The following MVB12B variants were observed in gnomAD, a reference collection of about 807,000 sequenced individuals.
MVB12B encodes multivesicular body subunit 12B, also known as ESCRT-I complex subunit MVB12B.
In MVB12B, 16 loss-of-function variants were observed where a neutral mutation model predicts 41.6. The ratio of observed to expected loss-of-function variants is 0.38; its 90% CI spans 0.26 to 0.58. The LOEUF is 0.58. Ranked by LOEUF, MVB12B falls within the 20% of genes least tolerant of loss-of-function variation. MVB12B has a pLI of 0.62. For missense variants in MVB12B, 274 were observed against 380.2 expected, an observed-to-expected ratio of 0.72 and a Z score of 2.32; for synonymous variants, 133 against 139.7, an observed-to-expected ratio of 0.95 and a Z score of 0.34.
At chr9:126,349,372 C>T (rs570391624) in intron 2 of MVB12B, among the ~76,000 whole-genome samples, 1 of 152,218 alleles carries the variant, frequency 6.6e-6, no homozygotes, top group South Asian at 2.1e-4. Context: ...GAGGGGCAGT[C>T]CCTCCCTGCT....
At chr9:126,396,211 T>C in intron 6 of MVB12B, 2 of 986,806 alleles carry the variant, frequency 2.0e-6, no homozygotes, top group Non-Finnish European at 1.2e-6. Flanking sequence ...GTTTTAACAA[T>C]TGTCTCCGCA....
At position 126,380,728 on chromosome 9, in the gene MVB12B, T is replaced by A. The variant is rs187634256; in HGVS notation, c.205-336T>A. On this transcript the variant is annotated intron_variant, in intron 2 of 9. Coordinates refer to ENST00000361171, the MANE Select transcript of MVB12B (RefSeq NM_033446.3). ...GGACTCCTTTCTTCACCCCGCACCA[T>A]CCCCCCGAGTAAGTGGTAATAGCCG... is the stretch of plus-strand genomic sequence containing the variant. Among the ~76,000 whole-genome samples, 167 of 152,128 alleles carry A rather than the reference T, an allele frequency of 1.1e-3. 1 individual carries two copies. The highest frequency in any genetic ancestry group is 4.0e-3 in the African/African-American group (165 of 41,508).
rs1359078258 is a variant in MVB12B, at chr9:126,436,312, CT to C, written c.757+14368del. Among the ~76,000 whole-genome samples, 2 of 152,170 alleles carry C rather than the reference CT, an allele frequency of 1.3e-5. No individual in the cohort carries two copies. The highest frequency in any genetic ancestry group is 4.8e-5 in the African/African-American group (2 of 41,432). ...TGAAGAGTAAATTCTGTGCAGCCGC[CT>C]TTTAGGAACACTCTTAGGTTTTAAT... On this transcript the variant is annotated intron_variant, in intron 7 of 9. Transcript: ENST00000361171. The surrounding 1 kb of genome is among the most constrained non-coding windows in gnomAD (Gnocchi z 4.1).
At chr9:126,433,433 G>C (rs1472376096) in intron 7 of MVB12B, among the ~76,000 whole-genome samples, 1 of 149,588 alleles carries the variant, frequency 6.7e-6, no homozygotes, top group Non-Finnish European at 1.5e-5. Context: ...CTTGGCACTG[G>C]GATGTCTCTT....
intron 7 of MVB12B, among the ~76,000 whole-genome samples, chr9:126,462,258 G>A (rs1354309401): frequency 2.0e-5 from 3 of 152,226 alleles, no homozygotes; most frequent in Non-Finnish European, 2.9e-5. Flanking sequence ...GCACTGGTAC[G>A]AAGAGTTAAA....
At chr9:126,452,591 T>C (rs1479590351) in intron 7 of MVB12B, among the ~76,000 whole-genome samples, 1 of 152,218 alleles carries the variant, frequency 6.6e-6, no homozygotes, top group African/African-American at 2.4e-5. Context: ...ACAAGGCAGC[T>C]GTTCAGCCTC....
chr9:126,396,055 G>T, intron 6 of MVB12B: 1 of 1,032,268 alleles, frequency 9.7e-7, no homozygotes, highest in Non-Finnish European at 1.2e-6. Context: ...TCTCTGTCTT[G>T]GCCAGCAACT....
chr9:126,465,278 A>G (rs534253724), intron 7 of MVB12B, among the ~76,000 whole-genome samples: 1 of 152,346 alleles, frequency 6.6e-6, no homozygotes, highest in East Asian at 1.9e-4. Context: ...GATCTTAAAC[A>G]TCTTCTAGCC....
chr9:126,330,301 CTTT>C (rs1175736822), intron 1 of MVB12B, among the ~76,000 whole-genome samples: 11 of 76,750 alleles, frequency 1.4e-4, no homozygotes, highest in African/African-American at 4.8e-4. Flanking sequence ...TTCTTTCTTT[CTTT>C]ACACACACAC....
chr9:126,433,693 C>A (rs1227760262), intron 7 of MVB12B, among the ~76,000 whole-genome samples: 1 of 152,080 alleles, frequency 6.6e-6, no homozygotes, highest in Non-Finnish European at 1.5e-5. Context: ...TAAACCCAAG[C>A]CCAAGATTAC....
chr9:126,366,606 C>T (rs1294852021), intron 2 of MVB12B, among the ~76,000 whole-genome samples: 8 of 152,202 alleles, frequency 5.3e-5, no homozygotes, highest in Non-Finnish European at 1.2e-4. Context: ...TTTCTTAGAT[C>T]ATCGGATATT....
At chr9:126,374,052 A>T (rs180961255) in intron 2 of MVB12B, among the ~76,000 whole-genome samples, 1 of 152,228 alleles carries the variant, frequency 6.6e-6, no homozygotes, top group African/African-American at 2.4e-5. Context: ...TAGTGTGTGT[A>T]TGTGTACAAA....
chr9:126,484,308 T>C (rs1833589068), intron 9 of MVB12B, among the ~76,000 whole-genome samples: 1 of 152,254 alleles, frequency 6.6e-6, no homozygotes, highest in Admixed American at 6.5e-5. Flanking sequence ...AGTTCTCCTT[T>C]TTTAAAAGAA....
intron 2 of MVB12B, among the ~76,000 whole-genome samples, chr9:126,375,432 C>T (rs967929770): frequency 1.6e-5 from 2 of 127,478 alleles, no homozygotes; most frequent in African/African-American, 3.1e-5. Flanking sequence ...TGCTCTAAGG[C>T]AGTTGTCACA....
intron 6 of MVB12B, among the ~76,000 whole-genome samples, chr9:126,416,645 C>T (rs1048140488): frequency 2.0e-5 from 3 of 152,194 alleles, no homozygotes; most frequent in African/African-American, 7.2e-5. Context: ...CGATAACCAC[C>T]TCCGGAGGAC....
chr9:126,461,971 C>CCAAA (rs1833101029), intron 7 of MVB12B, among the ~76,000 whole-genome samples: 1 of 152,236 alleles, frequency 6.6e-6, no homozygotes, highest in Admixed American at 6.5e-5. Flanking sequence ...AAGCAATGAT[C>CCAAA]CAAAAGAGGC....
At position 126,395,438 on chromosome 9, in the gene MVB12B, C is replaced by G; in HGVS notation, c.540-137C>G. The G allele has an allele frequency of 9.7e-7, 1 of 1,031,178 alleles. No homozygotes were observed. The highest frequency in any genetic ancestry group is 1.4e-6 in the Non-Finnish European group (1 of 694,650). 63.9% of individuals were successfully genotyped at this position (1,031,178 alleles called of 1,614,324 possible). On this transcript the variant is annotated intron_variant, in intron 5 of 9. Coordinates refer to ENST00000361171, the MANE Select transcript of MVB12B (RefSeq NM_033446.3). The surrounding 1 kb of genome is among the most constrained non-coding windows in gnomAD (Gnocchi z 4.9). ...CAGAGCACAAAGGAGACGGTGGAAC[C>G]CATTTCACGTGGAGGGCAAGAATTG...
intron 1 of MVB12B, 156 bp downstream of exon 1, chr9:126,327,166 G>C (rs1469408159): frequency 1.3e-6 from 1 of 784,168 alleles, no homozygotes; most frequent in Non-Finnish European, 1.5e-6. Context: ...CCCGCGGCGG[G>C]GACAGGCCCG....
In MVB12B at chr9:126,369,079, C is replaced by G. The variant is rs1266367271; in HGVS notation, c.205-11985C>G. Among the ~76,000 whole-genome samples the G allele has an allele frequency of 3.9e-5, 6 of 152,312 alleles. No homozygotes were observed. In the East Asian group the frequency reaches 9.6e-4, roughly 24 times the overall value. ...GCTCAGCCTGTAGTTCTTTTACCTT[C>G]AGTTTTTCACTGAACAAAGCTTTTA... is the stretch of plus-strand genomic sequence containing the variant. On this transcript the variant is annotated intron_variant, in intron 2 of 9. Transcript: ENST00000361171.
Sources: gnomAD v4.1 joint callset for allele counts (sites outside exome capture counted in the v4.1 genomes callset) on GRCh38, gnomAD v4.1.1 for gene constraint, Gnocchi (gnomAD v3.1) non-coding constraint, MANE v1.5 for transcripts, NCBI Gene and HGNC (gene_info 2026-07-23, HGNC 2026-07-21) for gene names.